Variants in CADM2 observed in about 807,000 individuals in gnomAD.
CADM2 encodes cell adhesion molecule 2, also known as immunoglobulin superfamily member 4D.
Under a neutral mutation model 49.8 loss-of-function variants are expected in CADM2, and 12 were observed. The observed-to-expected ratio is 0.24, with a 90% confidence interval of 0.15 to 0.39. CADM2 has a LOEUF of 0.39. CADM2 is among the 10% of genes least tolerant of loss of function. CADM2 has a pLI of 1.00. For synonymous variants in CADM2, 214 were observed against 175.4 expected (o/e 1.22, Z -1.74); for missense variants, 378 against 492.3 (o/e 0.77, Z 2.20).
intron 1 of CADM2, among the ~76,000 whole-genome samples, chr3:85,706,704 A>T (rs776338568): frequency 1.3e-5 from 2 of 152,218 alleles, no homozygotes; most frequent in African/African-American, 4.8e-5. Flanking sequence ...TAAGCAATTT[A>T]TAAGTTGGTA....
chr3:85,120,687 G>A (rs920585829), intron 1 of CADM2, among the ~76,000 whole-genome samples: 6 of 151,990 alleles, frequency 3.9e-5, no homozygotes, highest in African/African-American at 1.4e-4. Context: ...GGGGGTAGGG[G>A]GCCAGGGGAG....
At chr3:85,313,747 T>C (rs2044399344) in intron 1 of CADM2, among the ~76,000 whole-genome samples, 1 of 152,246 alleles carries the variant, frequency 6.6e-6, no homozygotes. Context: ...CTGATGGGAA[T>C]TAATTCTTCA....
rs1430277919 is a variant in CADM2, at chr3:84,998,036, T to C, written c.61+38368T>C. 3.3e-5 allele frequency among the ~76,000 whole-genome samples: 5 copies of C among 152,298 alleles called. 1 individual carries two copies. The highest frequency in any genetic ancestry group is 1.2e-4 in the African/African-American group (5 of 41,588). On this transcript the variant is annotated intron_variant, in intron 1 of 9. Coordinates refer to ENST00000383699, the MANE Select transcript of CADM2 (RefSeq NM_001167675.2). ...GGTTCTGTGTTTTGCAAGTAAGATG[T>C]ATCTTCTTAATGTGTTTATTGTATG...
intron 1 of CADM2, among the ~76,000 whole-genome samples, chr3:85,210,191 A>G (rs1417515506): frequency 6.6e-6 from 1 of 152,134 alleles, no homozygotes; most frequent in Non-Finnish European, 1.5e-5. Flanking sequence ...TCATGAAGGA[A>G]TGTTGAGTTT....
chr3:85,529,743 C>A (rs2061253777), intron 1 of CADM2, among the ~76,000 whole-genome samples: 1 of 152,036 alleles, frequency 6.6e-6, no homozygotes, highest in African/African-American at 2.4e-5. Context: ...GAACGTATTT[C>A]CACTATCCGG....
At chr3:85,863,003 T>G (rs1008441354) in intron 3 of CADM2, among the ~76,000 whole-genome samples, 1 of 152,160 alleles carries the variant, frequency 6.6e-6, no homozygotes, top group Non-Finnish European at 1.5e-5. Context: ...GCTTCAGACA[T>G]GCTAATTCTG....
chr3:85,759,068 T>C (rs1454623487), intron 2 of CADM2, among the ~76,000 whole-genome samples: 1 of 152,088 alleles, frequency 6.6e-6, no homozygotes, highest in Non-Finnish European at 1.5e-5. Flanking sequence ...TATCATTTAC[T>C]ATACAGAGAG....
chr3:85,512,046 T>C (rs1260298340), intron 1 of CADM2: 1 of 180,678 alleles, frequency 5.5e-6, no homozygotes, highest in East Asian at 1.9e-4. Flanking sequence ...CATGTACAGG[T>C]TTGTTAGATG....
chr3:86,069,348 CTA>C lies in CADM2; in HGVS notation c.*2566_*2567del, dbSNP rs1176886582. 2 of 151,830 alleles carry C rather than the reference CTA, an allele frequency of 1.3e-5. No homozygotes were observed. The highest frequency in any genetic ancestry group is 1.3e-4 in the Admixed American group (2 of 15,222). The allele number at this position is 151,830 out of a possible 1,614,324, so 9.4% of individuals were successfully genotyped here. A position where few individuals can be genotyped will look rare whatever the true frequency, so the allele number is the denominator to read the frequency against. ...TAGCTAAAACAACTAGATTATTATA[CTA>C]GTTATAAATGCTGGTATATTATAAT... On this transcript the variant is annotated 3_prime_UTR_variant, in exon 10 of 10. Transcript: ENST00000383699.
At chr3:85,601,509 GT>G in intron 1 of CADM2, among the ~76,000 whole-genome samples, 1 of 150,854 alleles carries the variant, frequency 6.6e-6, no homozygotes, top group Admixed American at 6.6e-5. Flanking sequence ...GAGTGTTTTT[GT>G]TTTTGTCATT....
intron 7 of CADM2, among the ~76,000 whole-genome samples, chr3:85,960,667 C>G (rs1172309262): frequency 6.6e-6 from 1 of 151,862 alleles, no homozygotes; most frequent in Non-Finnish European, 1.5e-5. Flanking sequence ...TTAATTATTA[C>G]AGAAGACTGA....
intron 8 of CADM2, among the ~76,000 whole-genome samples, chr3:85,982,358 G>A (rs546761686): frequency 6.6e-6 from 1 of 151,296 alleles, no homozygotes; most frequent in Admixed American, 6.6e-5. Flanking sequence ...CACACAAAAA[G>A]ATATGAACAA....
At chr3:85,805,809 G>C (rs2072375045) in intron 3 of CADM2, among the ~76,000 whole-genome samples, 1 of 152,138 alleles carries the variant, frequency 6.6e-6, no homozygotes, top group African/African-American at 2.4e-5. Context: ...CTGCACATGA[G>C]AGCAAGAGAG....
intron 4 of CADM2, among the ~76,000 whole-genome samples, chr3:85,884,043 C>A (rs188516817): frequency 1.8e-4 from 27 of 152,186 alleles, no homozygotes; most frequent in African/African-American, 6.3e-4. Flanking sequence ...TGCTTTTGTT[C>A]TCTAAATATT....
chr3:85,021,970 T>C (rs924986666), intron 1 of CADM2, among the ~76,000 whole-genome samples: 2 of 152,186 alleles, frequency 1.3e-5, no homozygotes, highest in Non-Finnish European at 1.5e-5. Context: ...TGGCTCCTCA[T>C]AGAGGAACTG....
chr3:85,910,858 T>C (rs1165263622), intron 5 of CADM2, among the ~76,000 whole-genome samples: 1 of 152,034 alleles, frequency 6.6e-6, no homozygotes, highest in African/African-American at 2.4e-5. Flanking sequence ...TTTCTATCTT[T>C]AAAATCAATC....
rs1739422171 is a variant in CADM2, at chr3:86,067,124, TC to T, written c.*346del. The T allele has an allele frequency of 5.2e-6, 1 of 192,308 alleles. No individual in the cohort carries two copies. Among genetic ancestry groups the T allele is most frequent in the African/African-American group, 2.3e-5 (1 of 42,564 alleles). 11.9% of individuals were successfully genotyped at this position (192,308 alleles called of 1,614,324 possible). A position where few individuals can be genotyped will look rare whatever the true frequency, so the allele number is the denominator to read the frequency against. ...TTAAAAAATGTATGCAGAGTTTTTTTCCCCCATTTTTTCCCCTTTAAGTCAT... is the reference window on the plus strand; with the variant it reads ...TTAAAAAATGTATGCAGAGTTTTTTTCCCCATTTTTTCCCCTTTAAGTCAT... On this transcript the variant is annotated 3_prime_UTR_variant, in exon 10 of 10. Coordinates refer to ENST00000383699, the MANE Select transcript of CADM2 (RefSeq NM_001167675.2).
chr3:84,959,067 G>A lies in CADM2; in HGVS notation c.-541G>A. 1 of 200,030 alleles carries A rather than the reference G, an allele frequency of 5.0e-6. No individual in the cohort carries two copies. The highest frequency in any genetic ancestry group is 1.0e-5 in the Non-Finnish European group (1 of 99,794). 12.4% of individuals were successfully genotyped at this position (200,030 alleles called of 1,614,324 possible). A position where few individuals can be genotyped will look rare whatever the true frequency, so the allele number is the denominator to read the frequency against. Reference sequence around the variant, plus strand: ...GGAGCATCCGGGAGCCGCCACTGCCGCCGCCGCTGCCGCTGCTACCGCCAC... The same window carrying A: ...GGAGCATCCGGGAGCCGCCACTGCCACCGCCGCTGCCGCTGCTACCGCCAC... On this transcript the variant is annotated 5_prime_UTR_variant, in exon 1 of 10. Transcript: ENST00000383699.
intron 1 of CADM2, among the ~76,000 whole-genome samples, chr3:85,081,046 G>A (rs771506388): frequency 7.2e-5 from 11 of 152,060 alleles, no homozygotes; most frequent in Non-Finnish European, 1.5e-4. Context: ...TTGTAAATCA[G>A]TAACTGTTAC....
Sources: allele counts gnomAD v4.1 joint callset (sites outside exome capture counted in the v4.1 genomes callset), GRCh38; gene constraint gnomAD v4.1.1; transcripts MANE v1.5; gene names NCBI Gene and HGNC (gene_info 2026-07-23, HGNC 2026-07-21).